Variants in CEP350 observed in about 807,000 individuals in gnomAD.
CEP350 encodes centrosomal protein 350.
CEP350 carries 126 observed loss-of-function variants against 331.8 expected under a neutral mutation model. That is an observed-to-expected ratio of 0.38 (90% CI 0.33 to 0.44). The LOEUF (loss-of-function observed/expected upper bound fraction) is 0.44, where lower values mean the gene tolerates loss of function less well. CEP350 is among the 20% of genes least tolerant of loss of function. The pLI, the probability that CEP350 is intolerant of heterozygous loss-of-function variation, is 1.00. For synonymous variants in CEP350, 1,200 were observed against 1,259.5 expected, an observed-to-expected ratio of 0.95 and a Z score of 1.00; for missense variants, 3,406 against 3,634.6, an observed-to-expected ratio of 0.94 and a Z score of 1.62.
intron 1 of CEP350, among the ~76,000 whole-genome samples, chr1:179,972,699 T>C (rs1651544226): frequency 6.6e-6 from 1 of 150,982 alleles, no homozygotes; most frequent in Non-Finnish European, 1.5e-5. Context: ...AGTGGTCAAT[T>C]GTAATGAAGC....
chr1:180,013,697 C>T, intron 9 of CEP350, 150 bp from the exon 10 acceptor site: 2 of 615,466 alleles, frequency 3.2e-6, no homozygotes, highest in Non-Finnish European at 2.6e-6. Flanking sequence ...CTTTTCTTTC[C>T]TTTTATAATT....
At chr1:180,013,410 G>A (rs1654778814) in intron 9 of CEP350, among the ~76,000 whole-genome samples, 1 of 152,100 alleles carries the variant, frequency 6.6e-6, no homozygotes, top group Non-Finnish European at 1.5e-5. Flanking sequence ...TATTTTTTAT[G>A]ATTATTAAGG....
At chr1:180,025,334 T>C (rs928879998) in intron 14 of CEP350, among the ~76,000 whole-genome samples, 21 of 152,160 alleles carry the variant, frequency 1.4e-4, no homozygotes, top group African/African-American at 5.1e-4. Flanking sequence ...GAGATAATAA[T>C]AGATATGGTA....
At chr1:180,044,615 G>A (rs993101648) in intron 21 of CEP350, among the ~76,000 whole-genome samples, 67 of 142,412 alleles carry the variant, frequency 4.7e-4, no homozygotes, top group African/African-American at 1.6e-3. Flanking sequence ...CTCATAGGTG[G>A]GAATTGAACA....
chr1:179,994,263 G>A (rs1023200992), intron 5 of CEP350, among the ~76,000 whole-genome samples: 2 of 152,120 alleles, frequency 1.3e-5, no homozygotes, highest in East Asian at 1.9e-4. Flanking sequence ...GACATGGTAC[G>A]TAACCTAACA....
intron 7 of CEP350, among the ~76,000 whole-genome samples, chr1:180,004,855 T>TG (rs1654102673): frequency 1.3e-5 from 2 of 150,660 alleles, no homozygotes; most frequent in South Asian, 4.2e-4. Context: ...CCTCAGAGCT[T>TG]GGGCAGGCAG....
chr1:180,061,283 C>T (rs1223185029), intron 25 of CEP350, among the ~76,000 whole-genome samples: 4 of 152,120 alleles, frequency 2.6e-5, no homozygotes, highest in Non-Finnish European at 5.9e-5. Context: ...GCAACCTTGA[C>T]CTCCTGGGCT....
Position 180,111,265 on chromosome 1 carries a change from T to C in CEP350, c.*104T>C. The C allele has an allele frequency of 7.4e-7, 1 of 1,351,590 alleles. No individual in the cohort carries two copies. Among genetic ancestry groups the C allele is most frequent in the Non-Finnish European group, 1.0e-6 (1 of 989,106 alleles). 83.7% of individuals were successfully genotyped at this position (1,351,590 alleles called of 1,614,324 possible). ...TCATAGCAAGAGTGCTTCTGGACCT[T>C]GTACTTATTCTTAAAGACTACCAGT... On this transcript the variant is annotated 3_prime_UTR_variant, in exon 38 of 38. Coordinates refer to ENST00000367607, the MANE Select transcript of CEP350 (RefSeq NM_014810.5).
At chr1:180,005,708 T>C (rs1407229539) in intron 7 of CEP350, among the ~76,000 whole-genome samples, 2 of 152,218 alleles carry the variant, frequency 1.3e-5, no homozygotes, top group Non-Finnish European at 2.9e-5. Context: ...CTGCATGATC[T>C]AGCCCTTAGT....
rs1359505139 is a variant in CEP350, at chr1:179,955,155, AG to A, written c.-14+15del. 4.2e-6 allele frequency: 6 copies of A among 1,436,762 alleles called. No individual in the cohort carries two copies. The Admixed American group carries it at 6.9e-5, about 16-fold the overall frequency. 89.0% of individuals were successfully genotyped at this position (1,436,762 alleles called of 1,614,324 possible). ...GCGACACTCTCAGGTGAGCTCCTGT[AG>A]GACCTGGCTGGGACCGCGGAGTCTC... On this transcript the variant is annotated intron_variant, in intron 1 of 37. Coordinates refer to ENST00000367607, the MANE Select transcript of CEP350 (RefSeq NM_014810.5).
intron 7 of CEP350, among the ~76,000 whole-genome samples, chr1:180,004,713 A>G (rs529573623): frequency 1.3e-5 from 2 of 152,364 alleles, no homozygotes; most frequent in South Asian, 4.1e-4. Context: ...TGTCAGCAGC[A>G]TGATTGATCA....
intron 27 of CEP350, among the ~76,000 whole-genome samples, chr1:180,073,311 C>G (rs1376734646): frequency 6.6e-6 from 1 of 152,004 alleles, no homozygotes; most frequent in Non-Finnish European, 1.5e-5. Flanking sequence ...TATTTTCAAG[C>G]TAGATTGTGA....
chr1:179,979,718 T>C lies in CEP350; in HGVS notation c.-13-6451T>C, dbSNP rs141734249. 2.7e-3 allele frequency among the ~76,000 whole-genome samples: 406 copies of C among 152,228 alleles called. 4 individuals are homozygous for C. In the East Asian group the frequency reaches 0.034, roughly 13 times the overall value. Reference sequence around the variant, plus strand: ...AGTCTTTAATCCCTTTCAAGTTGATTTTTGTGTAGTGTGAGAGATGGGGGT... The same window carrying C: ...AGTCTTTAATCCCTTTCAAGTTGATCTTTGTGTAGTGTGAGAGATGGGGGT... On this transcript the variant is annotated intron_variant, in intron 1 of 37. Coordinates refer to ENST00000367607, the MANE Select transcript of CEP350 (RefSeq NM_014810.5).
Position 180,022,726 on chromosome 1 carries a change from A to G in CEP350, c.3264A>G (p.Thr1088=), listed in dbSNP as rs1236775096. The part of the protein sequence containing the change: ...KGFEDKLDRG[T]STSRPLNATA... ...TTGAAGACAAGTTGGACAGAGGAAC[A>G]TCAACATCACGGCCTTTGAATGCCA... Residue 1088 remains threonine, a synonymous_variant, in exon 13 of 38, where the codon ACA becomes ACG. Coordinates refer to ENST00000367607, the MANE Select transcript of CEP350 (RefSeq NM_014810.5). The G allele has an allele frequency of 1.9e-6, 3 of 1,612,564 alleles. No individual in the cohort carries two copies. Among genetic ancestry groups the G allele is most frequent in the Non-Finnish European group, 2.5e-6 (3 of 1,179,288 alleles).
intron 12 of CEP350, among the ~76,000 whole-genome samples, chr1:180,021,668 A>C (rs1302404009): frequency 6.6e-6 from 1 of 152,138 alleles, no homozygotes; most frequent in Non-Finnish European, 1.5e-5. Flanking sequence ...AAAAAAAGAA[A>C]AGAAACTAAG....
chr1:180,035,915 C>G (rs1438321413), intron 16 of CEP350, among the ~76,000 whole-genome samples: 13 of 152,130 alleles, frequency 8.5e-5, no homozygotes, highest in Non-Finnish European at 1.9e-4. Context: ...GATAGTGATT[C>G]CTCTGCTGAT....
intron 37 of CEP350, among the ~76,000 whole-genome samples, chr1:180,107,605 T>C (rs1260108859): frequency 6.6e-6 from 1 of 151,874 alleles, no homozygotes; most frequent in Admixed American, 6.6e-5. Flanking sequence ...GAGGTGGAGG[T>C]TGCAGTGAGC....
Position 180,094,601 on chromosome 1 carries a change from T to C in CEP350, c.8496T>C (p.Asp2832=), listed in dbSNP as rs745803128. 17 of 1,613,366 alleles carry C rather than the reference T, an allele frequency of 1.1e-5. No homozygotes were observed. Among genetic ancestry groups the C allele is most frequent in the Middle Eastern group, 1.6e-4 (1 of 6,076 alleles). Residue 2832 remains aspartate, a synonymous_variant, in exon 34 of 38, where the codon GAT becomes GAC. Transcript: ENST00000367607. ...AAAAAGAAGAGATTTCCTCTCCAGATATGTGTCCCAGACCGGTGAGTATTT... is the reference window on the plus strand; with the variant it reads ...AAAAAGAAGAGATTTCCTCTCCAGACATGTGTCCCAGACCGGTGAGTATTT... The part of the protein sequence containing the change: ...EDEKEEISSP[D]MCPRPESPVF...
In CEP350 at chr1:180,083,963, G is replaced by A. The variant is rs530343521; in HGVS notation, c.6125-55G>A. 6.6e-6 allele frequency: 6 copies of A among 913,018 alleles called. No homozygotes were observed. The East Asian group carries it at 1.4e-4, about 21-fold the overall frequency. The allele number at this position is 913,018 out of a possible 1,614,324, so 56.6% of individuals were successfully genotyped here. A position where few individuals can be genotyped will look rare whatever the true frequency, so the allele number is the denominator to read the frequency against. On this transcript the variant is annotated intron_variant, in intron 30 of 37. Transcript: ENST00000367607. Reference sequence around the variant, plus strand: ...ACAGCTTTTTATTAGTAGTTACTGAGTTAACATTATTCTTAAGTCAAAATT... The same window carrying A: ...ACAGCTTTTTATTAGTAGTTACTGAATTAACATTATTCTTAAGTCAAAATT...
Sources: allele counts gnomAD v4.1 joint callset (sites outside exome capture counted in the v4.1 genomes callset), GRCh38; gene constraint gnomAD v4.1.1; transcripts MANE v1.5; gene names NCBI Gene and HGNC (gene_info 2026-07-23, HGNC 2026-07-21).